Variants in PRDM14 observed in about 807,000 individuals in gnomAD.
PRDM14 encodes the protein PR domain zinc finger protein 14.
PRDM14 carries 16 observed loss-of-function variants against 48.0 expected under a neutral mutation model. The observed-to-expected ratio is 0.33, with a 90% CI of 0.23 to 0.51. PRDM14 has a LOEUF of 0.51. PRDM14 is among the 20% of genes least tolerant of loss of function. PRDM14 has a pLI of 0.97. For missense variants in PRDM14, 566 were observed against 719.6 expected (o/e 0.79, Z 2.44); for synonymous variants, 264 against 276.6 (o/e 0.95, Z 0.45).
At chr8:70,055,191 T>A (rs1805453301) in intron 7 of PRDM14, 109 bp downstream of exon 7, 2 of 583,896 alleles carry the variant, frequency 3.4e-6, no homozygotes, top group Non-Finnish European at 3.0e-6. Context: ...GGCTGATATT[T>A]GACTAACATT....
In PRDM14 at chr8:70,055,414, A is replaced by C. The variant is rs774907138; in HGVS notation, c.1387-13T>G. On this transcript the variant is annotated splice_polypyrimidine_tract_variant and intron_variant, in intron 6 of 7. Transcript: ENST00000276594. ...CACATGTAGAACACTAAGGTGAAAA[A>C]GAAAAATATAGTTGAAATCACACCT... is the stretch of plus-strand genomic sequence containing the variant. The C allele has an allele frequency of 2.9e-5, 42 of 1,423,808 alleles. 1 individual carries two copies. The East Asian group carries it at 3.0e-4, about 10-fold the overall frequency. The allele number at this position is 1,423,808 out of a possible 1,614,324, so 88.2% of individuals were successfully genotyped here.
chr8:70,070,531 G>C (rs1423655026), intron 1 of PRDM14, among the ~76,000 whole-genome samples: 2 of 152,214 alleles, frequency 1.3e-5, no homozygotes, highest in African/African-American at 4.8e-5. Flanking sequence ...GGGTCCTGGC[G>C]GTCCTGACTG....
chr8:70,069,221 C>G lies in PRDM14; in HGVS notation c.640G>C (p.Glu214Gln). The G allele has an allele frequency of 6.4e-7, 1 of 1,573,804 alleles. No individual in the cohort carries two copies. Residue 214 changes from glutamate to glutamine, a missense_variant, in exon 2 of 8, where the codon GAG (glutamate) becomes CAG (glutamine). Around this residue, in one of 3 missense-constraint regions of PRDM14, gnomAD observed 410 missense variants for 424.6 expected, o/e 0.97. Transcript: ENST00000276594. ...FVLYGVTPSLEHPASLHHAIS... is the reference protein window; with the variant it reads ...FVLYGVTPSLQHPASLHHAIS... ...GCATGGTGCAGGCTGGCTGGGTGCT[C>G]CAGGCTGGGAGTGACCCCGTACAGA...
intron 5 of PRDM14, among the ~76,000 whole-genome samples, chr8:70,065,122 G>A (rs982479797): frequency 4.0e-5 from 6 of 151,842 alleles, no homozygotes; most frequent in Non-Finnish European, 8.8e-5. Flanking sequence ...TCCTGACCTG[G>A]TGATCTGCCC....
intron 5 of PRDM14, among the ~76,000 whole-genome samples, chr8:70,064,699 G>A (rs1360613924): frequency 6.6e-6 from 1 of 150,650 alleles, no homozygotes; most frequent in African/African-American, 2.4e-5. Flanking sequence ...TAATTTTTTT[G>A]TATTTTTAGT....
In PRDM14 at chr8:70,069,280, C is replaced by G; in HGVS notation, c.581G>C (p.Arg194Pro). Residue 194 changes from arginine (R) to proline (P), a missense_variant, in exon 2 of 8, where the codon CGG (arginine) becomes CCG (proline). Arg to Pro is a moderately radical substitution (Grantham distance 103). This residue lies in a region of PRDM14 where 410 missense variants were observed against 424.6 expected (regional missense o/e 0.97). Transcript: ENST00000276594. ...PSNQEGKSPA[R>P]FQFTEEDLHF... ...CAGGTCCTCCTCCGTGAACTGGAAC[C>G]GAGCAGGGGACTTCCCTTCTTGGTT... 6.2e-7 allele frequency: 1 copy of G among 1,610,946 alleles called. No homozygotes were observed. The highest frequency in any genetic ancestry group is 8.5e-7 in the Non-Finnish European group (1 of 1,178,496).
intron 5 of PRDM14, among the ~76,000 whole-genome samples, chr8:70,065,960 G>A (rs7819743): frequency 0.11 from 17,171 of 152,066 alleles, 1,645 homozygotes; most frequent in East Asian, 0.34. Flanking sequence ...CATTTAGTAC[G>A]TTTTCTTTTA....
chr8:70,051,766 A>ACTTG lies in PRDM14; in HGVS notation c.*310_*311insCAAG. On this transcript the variant is annotated 3_prime_UTR_variant, in exon 8 of 8. Coordinates refer to ENST00000276594, the MANE Select transcript of PRDM14 (RefSeq NM_024504.4). ...GTCTCCACACTCTTGAGGGCTACTCATTTTTTTTGTTTTGTTTTGTTTTGA... is the reference window on the plus strand; with the variant it reads ...GTCTCCACACTCTTGAGGGCTACTCACTTGTTTTTTTTGTTTTGTTTTGTTTTGA... 1.9e-5 allele frequency: 2 copies of ACTTG among 103,562 alleles called. No homozygotes were observed. The highest frequency in any genetic ancestry group is 3.1e-5 in the Non-Finnish European group (2 of 64,696). The allele number at this position is 103,562 out of a possible 1,614,324, so 6.4% of individuals were successfully genotyped here. A position where few individuals can be genotyped will look rare whatever the true frequency, so the allele number is the denominator to read the frequency against.
chr8:70,067,756 A>G (rs1008850711), intron 4 of PRDM14, among the ~76,000 whole-genome samples: 2 of 152,046 alleles, frequency 1.3e-5, no homozygotes, highest in Non-Finnish European at 2.9e-5. Context: ...TCCTGCAGGT[A>G]ATAAACTGCA....
At chr8:70,066,906 A>T (rs6993314) in intron 4 of PRDM14, among the ~76,000 whole-genome samples, 15,064 of 151,974 alleles carry the variant, frequency 0.099, 1,229 homozygotes, top group East Asian at 0.34. Context: ...TTTTAAAAAA[A>T]TTTTTTGTAG....
chr8:70,052,327 A>G (rs1474035641), intron 7 of PRDM14, 23 bp from the exon 8 acceptor site: 1 of 1,565,574 alleles, frequency 6.4e-7, no homozygotes, highest in Admixed American at 1.8e-5. Context: ...GAAATACAGA[A>G]CACAAGAAAA....
In PRDM14 at chr8:70,066,225, G is replaced by A. The variant is rs777109855; in HGVS notation, c.1183+10C>T. The A allele has an allele frequency of 1.2e-6, 2 of 1,612,258 alleles. No individual in the cohort carries two copies. The highest frequency in any genetic ancestry group is 1.7e-6 in the Non-Finnish European group (2 of 1,179,656). Reference sequence around the variant, plus strand: ...TGCCCTCATTGGGCAAGGCGAGGGTGTGCACTCACCTTCAGAGGGCCCAGA... The same window carrying A: ...TGCCCTCATTGGGCAAGGCGAGGGTATGCACTCACCTTCAGAGGGCCCAGA... On this transcript the variant is annotated intron_variant, in intron 5 of 7. Transcript: ENST00000276594.
rs760438283 is a variant in PRDM14, at chr8:70,069,444, C to G, written c.417G>C (p.Glu139Asp). The G allele has an allele frequency of 1.9e-6, 3 of 1,582,718 alleles. No homozygotes were observed. The highest frequency in any genetic ancestry group is 1.7e-4 in the Middle Eastern group (1 of 5,906). The change falls in exon 2 of 8, where the codon GAG (glutamate) becomes GAC (aspartate). Residue 139 changes from glutamate (E) to aspartate (D), a missense_variant. Physicochemically the swap from Glu to Asp is conservative, Grantham distance 45 (BLOSUM62 2). Around this residue, in one of 3 missense-constraint regions of PRDM14, gnomAD observed 410 missense variants for 424.6 expected, o/e 0.97. Coordinates refer to ENST00000276594, the MANE Select transcript of PRDM14 (RefSeq NM_024504.4). ...TGTCAGGTCCACAACACGGGCCACT[C>G]TCGTTGTCGCCACCAATGATTTGGT... is the stretch of plus-strand genomic sequence containing the variant. ...LGHQIIGGDN[E>D]SGPCCGPDTL...
chr8:70,066,525 A>G lies in PRDM14; in HGVS notation c.913-20T>C. 1 of 1,594,414 alleles carries G rather than the reference A, an allele frequency of 6.3e-7. No homozygotes were observed. The highest frequency in any genetic ancestry group is 1.1e-5 in the South Asian group (1 of 87,932). Reference sequence around the variant, plus strand: ...AAAGATCTAAATGAAATAAGACATGAAGTTTGTATTGTACTTCTTTTTTGG... The same window carrying G: ...AAAGATCTAAATGAAATAAGACATGGAGTTTGTATTGTACTTCTTTTTTGG... On this transcript the variant is annotated intron_variant, in intron 4 of 7. Coordinates refer to ENST00000276594, the MANE Select transcript of PRDM14 (RefSeq NM_024504.4).
At chr8:70,055,576 G>A (rs1389851687) in intron 6 of PRDM14, among the ~76,000 whole-genome samples, 175 bp from the exon 7 acceptor site, 4 of 151,300 alleles carry the variant, frequency 2.6e-5, no homozygotes, top group Non-Finnish European at 2.9e-5. Context: ...CACAATCACG[G>A]TTCACTGCAG....
chr8:70,068,218 A>T lies in PRDM14; in HGVS notation c.912+12T>A. 6.2e-7 allele frequency: 1 copy of T among 1,614,048 alleles called. No homozygotes were observed. The highest frequency in any genetic ancestry group is 8.5e-7 in the Non-Finnish European group (1 of 1,179,916). ...CCATTTTCAGCAGCAGACCCACCAGAAACAGATTTACCTCCCACATCACAG... is the reference window on the plus strand; with the variant it reads ...CCATTTTCAGCAGCAGACCCACCAGTAACAGATTTACCTCCCACATCACAG... On this transcript the variant is annotated intron_variant, in intron 4 of 7. Transcript: ENST00000276594.
chr8:70,058,596 G>A (rs1232778284), intron 6 of PRDM14, 44 bp downstream of exon 6: 8 of 1,561,730 alleles, frequency 5.1e-6, no homozygotes, highest in African/African-American at 4.1e-5. Flanking sequence ...CTTGGGAAGG[G>A]AGAGAGAACG....
In PRDM14 at chr8:70,069,635, G is replaced by A. The variant is rs1450649173; in HGVS notation, c.226C>T (p.Pro76Ser). Residue 76 changes from proline (P) to serine (S), a missense_variant, in exon 2 of 8, where the codon CCC becomes TCC. Pro to Ser is a moderately conservative substitution (Grantham distance 74, BLOSUM62 -1). Coordinates refer to ENST00000276594, the MANE Select transcript of PRDM14 (RefSeq NM_024504.4). ...MPPFPFRMAPPLLSPGLGLQR... is the reference protein window; with the variant it reads ...MPPFPFRMAPSLLSPGLGLQR... Reference sequence around the variant, plus strand: ...AGGCCCAGACCCGGGCTCAGCAAGGGAGGCGCCATCCGGAAGGGGAAGGGG... The same window carrying A: ...AGGCCCAGACCCGGGCTCAGCAAGGAAGGCGCCATCCGGAAGGGGAAGGGG... The A allele has an allele frequency of 1.3e-6, 2 of 1,572,708 alleles. No homozygotes were observed. The highest frequency in any genetic ancestry group is 1.7e-6 in the Non-Finnish European group (2 of 1,159,364).
rs1392857563 is a variant in PRDM14 at position 70,058,835 on chromosome 8, T to C, written c.1191A>G (p.Ala397=). 1.9e-6 allele frequency: 3 copies of C among 1,613,738 alleles called. No individual in the cohort carries two copies. The African/African-American group carries it at 4.0e-5, about 22-fold the overall frequency. Residue 397 remains alanine (A), a synonymous_variant, in exon 6 of 8, where the codon GCA becomes GCG. Transcript: ENST00000276594. The part of the protein sequence containing the change: ...KQPSGPSEES[A]EGYRCERCGK... The stretch of plus-strand genomic sequence containing the variant: ...CACATCTTTCACATCTGTAGCCTTC[T>C]GCAGACTCTGTCAAACACAGCAAAC...
Sources: gnomAD v4.1 joint callset for allele counts (sites outside exome capture counted in the v4.1 genomes callset) on GRCh38, gnomAD v4.1.1 for gene constraint, gnomAD v4.1.1 regional missense constraint, MANE v1.5 for transcripts, NCBI Gene and HGNC (gene_info 2026-07-23, HGNC 2026-07-21) for gene names.